The following MACF1 variants were observed in gnomAD, a reference collection of about 807,000 sequenced individuals.
MACF1 encodes the protein microtubule-actin cross-linking factor 1.
MACF1 carries 193 observed loss-of-function variants against 854.8 expected under a neutral mutation model. The ratio of observed to expected loss-of-function variants is 0.23; its 90% confidence interval spans 0.20 to 0.25. MACF1 has a LOEUF of 0.25. Ranked by LOEUF, MACF1 falls within the 10% of genes least tolerant of loss-of-function variation. MACF1 has a pLI of 1.00. For synonymous variants in MACF1, 3,185 were observed against 3,226.7 expected (o/e 0.99, Z 0.44); for missense variants, 7,722 against 8,929.1 (o/e 0.86, Z 5.45).
At chr1:39,438,126 T>G (rs779486615) in intron 71 of MACF1, 118 bp downstream of exon 71, 20 of 892,878 alleles carry the variant, frequency 2.2e-5, no homozygotes, top group Non-Finnish European at 3.0e-5. Context: ...TCCCCAGTAA[T>G]GAGTATTCCA....
chr1:39,361,256 A>C (rs1648163863), intron 48 of MACF1, 104 bp from the exon 49 acceptor site: 2 of 1,125,724 alleles, frequency 1.8e-6, no homozygotes, highest in Non-Finnish European at 2.5e-6. Context: ...GCTCGGTTGC[A>C]GTCCTCCAGT....
Position 39,430,117 on chromosome 1 carries a change from A to G in MACF1, c.17130+49A>G, listed in dbSNP as rs757861402. The G allele has an allele frequency of 1.3e-5, 20 of 1,568,288 alleles. No individual in the cohort carries two copies. The South Asian group carries it at 2.3e-4, about 18-fold the overall frequency. On this transcript the variant is annotated intron_variant, in intron 65 of 100. Coordinates refer to ENST00000564288, the MANE Select transcript of MACF1 (RefSeq NM_001394062.1). ...AAGAAAAAAAGGCTTCCTCTTTGTC[A>G]GAATCCTTAAGTTTTATCAACCTTT...
At chr1:39,268,612 G>A (rs1002454089) in intron 6 of MACF1, 12 of 1,191,042 alleles carry the variant, frequency 1.0e-5, no homozygotes, top group Non-Finnish European at 1.3e-5. Context: ...AATGTGCATC[G>A]AATCCGATGA....
At chr1:39,089,531 A>G (rs1641754075) in intron 2 of MACF1, among the ~76,000 whole-genome samples, 2 of 152,048 alleles carry the variant, frequency 1.3e-5, no homozygotes. Context: ...CATTTCCCTC[A>G]CCAGCTCTGG....
At chr1:39,412,690 T>C (rs746114281) in intron 58 of MACF1, 1 of 1,613,996 alleles carries the variant, frequency 6.2e-7, no homozygotes, top group Non-Finnish European at 8.5e-7. Flanking sequence ...CCTAAATATT[T>C]TTCCAGAGAA....
chr1:39,478,670 AAAATTCCTC>A (rs1350173490), intron 97 of MACF1, among the ~76,000 whole-genome samples: 1 of 152,252 alleles, frequency 6.6e-6, no homozygotes, highest in Non-Finnish European at 1.5e-5. Flanking sequence ...TGATTCTACC[AAAATTCCTC>A]AAATTCCTTA....
chr1:39,393,196 A>AATAT (rs1553345251), intron 58 of MACF1, among the ~76,000 whole-genome samples: 3,924 of 66,454 alleles, frequency 0.059, 181 homozygotes, highest in Middle Eastern at 0.094. Context: ...AAAAAAAAAA[A>AATAT]ATATATATAT....
intron 2 of MACF1, among the ~76,000 whole-genome samples, chr1:39,112,323 A>T (rs1318585484): frequency 6.6e-6 from 1 of 151,948 alleles, no homozygotes; most frequent in African/African-American, 2.4e-5. Flanking sequence ...TGACTTTGTG[A>T]TCTGCCCTCC....
chr1:39,485,539 C>T lies in MACF1; in HGVS notation c.22413C>T (p.Asp7471=), dbSNP rs1225705859. 3 of 1,611,020 alleles carry T rather than the reference C, an allele frequency of 1.9e-6. No homozygotes were observed. Among genetic ancestry groups the T allele is most frequent in the South Asian group, 2.2e-5 (2 of 90,966 alleles). ...ASTGAKTNRA[D]PKKSASRPGS... is the part of the protein sequence containing the mutation. ...TGCTGTTTTATTCTTGAATTCCAGA[C>T]CCTAAAAAGTCTGCCAGTCGCCCTG... Residue 7471 remains aspartate, a splice_region_variant and synonymous_variant, in exon 101 of 101, where the codon GAC becomes GAT. Transcript: ENST00000564288.
intron 2 of MACF1, among the ~76,000 whole-genome samples, chr1:39,139,141 C>T (rs1643259533): frequency 6.6e-6 from 1 of 152,170 alleles, no homozygotes; most frequent in Admixed American, 6.5e-5. Context: ...CTGAATACTT[C>T]AAATTCACAG....
Position 39,378,541 on chromosome 1 carries a change from A to G in MACF1, c.13276+18A>G, listed in dbSNP as rs1487321355. On this transcript the variant is annotated intron_variant, in intron 53 of 100. Transcript: ENST00000564288. ...CTGCAAAGGTGAGAATGCCATTTCA[A>G]CAGTGCTTCTTTGTTGGATGTGTTA... 6 of 1,611,520 alleles carry G rather than the reference A, an allele frequency of 3.7e-6. No individual in the cohort carries two copies. The Admixed American group carries it at 1.0e-4, about 27-fold the overall frequency.
intron 2 of MACF1, among the ~76,000 whole-genome samples, chr1:39,164,766 C>G (rs1018937243): frequency 6.6e-6 from 1 of 152,148 alleles, no homozygotes; most frequent in Non-Finnish European, 1.5e-5. Flanking sequence ...TGAGCTAGCA[C>G]CGAGGTAATA....
intron 23 of MACF1, among the ~76,000 whole-genome samples, chr1:39,308,441 G>A (rs1487301620): frequency 6.6e-6 from 1 of 152,030 alleles, no homozygotes; most frequent in African/African-American, 2.4e-5. Context: ...CGGATTTAAT[G>A]CCTCCTATTT....
intron 23 of MACF1, among the ~76,000 whole-genome samples, chr1:39,308,092 G>C (rs1315813499): frequency 6.6e-6 from 1 of 151,508 alleles, no homozygotes; most frequent in Non-Finnish European, 1.5e-5. Context: ...TTTTAGTAGA[G>C]ACGGGGTTTC....
chr1:39,421,154 T>C (rs1746844), intron 58 of MACF1, among the ~76,000 whole-genome samples: 8,476 of 152,218 alleles, frequency 0.056, 303 homozygotes, highest in African/African-American at 0.098. Context: ...CGTGAGCCAC[T>C]GTGCCCGGCC....
intron 2 of MACF1, among the ~76,000 whole-genome samples, chr1:39,190,404 T>TTTG (rs1557508169): frequency 2.2e-5 from 3 of 135,850 alleles, no homozygotes; most frequent in African/African-American, 2.6e-5. Flanking sequence ...TGTTTTTGTT[T>TTTG]TTTTTTTTTT....
chr1:39,276,634 C>T (rs1466518140), intron 6 of MACF1, among the ~76,000 whole-genome samples: 1 of 152,174 alleles, frequency 6.6e-6, no homozygotes, highest in African/African-American at 2.4e-5. Flanking sequence ...TTATATGGTA[C>T]TTCTAGAAAT....
chr1:39,441,876 T>C (rs1371032821), intron 74 of MACF1, 76 bp from the exon 75 acceptor site: 3 of 1,064,626 alleles, frequency 2.8e-6, no homozygotes, highest in Non-Finnish European at 2.9e-6. Context: ...TGTCTTCTTA[T>C]GTTAGCAGAG....
intron 70 of MACF1, 162 bp downstream of exon 70, chr1:39,435,923 A>G: frequency 1.6e-6 from 1 of 628,724 alleles, no homozygotes; most frequent in South Asian, 2.1e-5. Flanking sequence ...TTTTTATTCC[A>G]AGGAACATTG....
Sources: allele counts gnomAD v4.1 joint callset (sites outside exome capture counted in the v4.1 genomes callset), GRCh38; gene constraint gnomAD v4.1.1; transcripts MANE v1.5; gene names NCBI Gene and HGNC (gene_info 2026-07-23, HGNC 2026-07-21).